The following NSMCE1 variants were observed in gnomAD, a reference collection of about 807,000 sequenced individuals.
NSMCE1 encodes non-structural maintenance of chromosomes element 1 homolog.
A neutral mutation model predicts 29.6 loss-of-function variants in NSMCE1; 18 were observed. The ratio of observed to expected loss-of-function variants is 0.61; its 90% CI spans 0.42 to 0.90. NSMCE1 has a LOEUF of 0.90. Ranked by LOEUF, NSMCE1 falls within the 40% of genes least tolerant of loss-of-function variation. The pLI is 0.00. For synonymous variants in NSMCE1, 124 were observed against 133.4 expected (o/e 0.93, Z 0.49); for missense variants, 314 against 343.6 (o/e 0.91, Z 0.68).
chr16:27,251,207 T>TATATATATATAAAA (rs1555477430), intron 2 of NSMCE1, among the ~76,000 whole-genome samples: 2 of 70,770 alleles, frequency 2.8e-5, no homozygotes, highest in African/African-American at 5.5e-5. Context: ...TATATATATA[T>TATATATATATAAAA]AAAACTCTGT....
chr16:27,235,528 A>C (rs868737511), intron 2 of NSMCE1, among the ~76,000 whole-genome samples: 1 of 152,188 alleles, frequency 6.6e-6, no homozygotes, highest in Non-Finnish European at 1.5e-5. Flanking sequence ...CAGGAGGGCC[A>C]GGGAGATGCT....
chr16:27,262,962 T>C (rs539926527), intron 1 of NSMCE1, among the ~76,000 whole-genome samples: 3 of 152,258 alleles, frequency 2.0e-5, no homozygotes, highest in African/African-American at 7.2e-5. Flanking sequence ...GTATCACTGA[T>C]CATTAGAGAA....
intron 1 of NSMCE1, among the ~76,000 whole-genome samples, chr16:27,262,759 T>TA (rs1391334350): frequency 1.3e-5 from 2 of 151,988 alleles, no homozygotes; most frequent in African/African-American, 4.8e-5. Context: ...TAATTAAACT[T>TA]AAGAGCTTCT....
intron 2 of NSMCE1, among the ~76,000 whole-genome samples, chr16:27,247,802 C>G (rs1395638214): frequency 6.6e-6 from 1 of 151,994 alleles, no homozygotes; most frequent in Non-Finnish European, 1.5e-5. Flanking sequence ...TGGCACACAC[C>G]TGTAGTCCCA....
At chr16:27,243,335 G>C (rs892550587) in intron 2 of NSMCE1, among the ~76,000 whole-genome samples, 1 of 152,348 alleles carries the variant, frequency 6.6e-6, no homozygotes, top group East Asian at 1.9e-4. Flanking sequence ...TGACCCACCA[G>C]CTAAGCAGTT....
At chr16:27,257,686 T>A in intron 1 of NSMCE1, 105 bp from the exon 2 acceptor site, 1 of 1,016,478 alleles carries the variant, frequency 9.8e-7, no homozygotes, top group Non-Finnish European at 1.4e-6. Context: ...CTATCATTTT[T>A]AAAAGTCATT....
chr16:27,235,061 G>A, intron 3 of NSMCE1, 117 bp downstream of exon 3: 3 of 904,840 alleles, frequency 3.3e-6, no homozygotes, highest in East Asian at 2.5e-5. Context: ...TACATTTGGA[G>A]TGACTTCTTT....
At chr16:27,266,268 A>G (rs972918144) in intron 1 of NSMCE1, 2 of 152,264 alleles carry the variant, frequency 1.3e-5, no homozygotes, top group African/African-American at 4.8e-5. Context: ...ATAAATGTAA[A>G]TGAGAATGAG....
At position 27,225,819 on chromosome 16, in the gene NSMCE1, T is replaced by C. The variant is rs754830009; in HGVS notation, c.628A>G (p.Arg210Gly). The C allele has an allele frequency of 3.7e-6, 6 of 1,614,036 alleles. No homozygotes were observed. In the African/African-American group the frequency reaches 4.0e-5, roughly 11 times the overall value. Residue 210 changes from arginine (R) to glycine (G), a missense_variant, in exon 7 of 8, where the codon AGG (arginine) becomes GGG (glycine). Transcript: ENST00000361439. ...TTGGCCACGCAGGGTAAGTGCATCC[T>C]GATCCCACAGGTTTCGCAGCTTTGA... ...QGQSCETCGI[R>G]MHLPCVAKYF...
intron 2 of NSMCE1, among the ~76,000 whole-genome samples, chr16:27,238,757 A>G (rs2083855999): frequency 6.6e-6 from 1 of 152,108 alleles, no homozygotes; most frequent in Non-Finnish European, 1.5e-5. Flanking sequence ...CCCAGAAGCT[A>G]CAGAGGGCCA....
chr16:27,250,108 T>G (rs936730997), intron 2 of NSMCE1, among the ~76,000 whole-genome samples: 1 of 152,262 alleles, frequency 6.6e-6, no homozygotes, highest in South Asian at 2.1e-4. Flanking sequence ...ATATTGATTT[T>G]GTATCCTACA....
At chr16:27,263,439 A>G (rs950388643) in intron 1 of NSMCE1, among the ~76,000 whole-genome samples, 9 of 152,244 alleles carry the variant, frequency 5.9e-5, no homozygotes, top group African/African-American at 2.2e-4. Flanking sequence ...AAGCTAACAC[A>G]GGAATAGAAA....
intron 1 of NSMCE1, among the ~76,000 whole-genome samples, chr16:27,261,352 C>A (rs1246517871): frequency 6.6e-6 from 1 of 151,156 alleles, no homozygotes; most frequent in African/African-American, 2.4e-5. Context: ...ACAAGATTTT[C>A]CAAGAGCTAA....
intron 2 of NSMCE1, among the ~76,000 whole-genome samples, chr16:27,248,687 G>T (rs983273311): frequency 1.3e-5 from 2 of 152,160 alleles, no homozygotes; most frequent in African/African-American, 4.8e-5. Context: ...GGGATTACAG[G>T]TGTGAGCCAC....
chr16:27,244,921 C>G (rs138433907), intron 2 of NSMCE1, among the ~76,000 whole-genome samples: 1 of 152,336 alleles, frequency 6.6e-6, no homozygotes, highest in African/African-American at 2.4e-5. Context: ...CAAGTGGTGA[C>G]CATGCTTTGT....
intron 1 of NSMCE1, among the ~76,000 whole-genome samples, chr16:27,261,585 C>T (rs993010876): frequency 1.3e-5 from 2 of 152,282 alleles, no homozygotes; most frequent in Admixed American, 6.5e-5. Context: ...TCCATCTTCT[C>T]ACAAAGAAAA....
chr16:27,265,385 C>A (rs1265959695), intron 1 of NSMCE1, among the ~76,000 whole-genome samples: 2 of 151,968 alleles, frequency 1.3e-5, no homozygotes, highest in Non-Finnish European at 2.9e-5. Flanking sequence ...CCCAGCTGGT[C>A]TCATACTCCT....
At chr16:27,226,889 A>T in intron 5 of NSMCE1, 53 bp from the exon 6 acceptor site, 1 of 1,078,424 alleles carries the variant, frequency 9.3e-7, no homozygotes, top group Non-Finnish European at 1.4e-6. Context: ...CTCCCCATTC[A>T]CCACCTCTCT....
intron 4 of NSMCE1, chr16:27,233,914 G>A (rs2083789067): frequency 2.5e-6 from 1 of 406,424 alleles, no homozygotes; most frequent in Non-Finnish European, 4.4e-6. Context: ...AGGAACGCCT[G>A]TTACTACCAG....
Sources: gnomAD v4.1 joint callset for allele counts (sites outside exome capture counted in the v4.1 genomes callset) on GRCh38, gnomAD v4.1.1 for gene constraint, MANE v1.5 for transcripts, NCBI Gene and HGNC (gene_info 2026-07-23, HGNC 2026-07-21) for gene names.